The following HS6ST2 variants were observed in gnomAD, a reference collection of about 807,000 sequenced individuals.
The protein encoded by HS6ST2 is heparan-sulfate 6-O-sulfotransferase 2.
In HS6ST2, 17 loss-of-function variants were observed where a neutral mutation model predicts 33.0. The observed-to-expected ratio is 0.52, with a 90% confidence interval of 0.35 to 0.77. HS6ST2 has a LOEUF of 0.77. HS6ST2 is among the 30% of genes least tolerant of loss of function. HS6ST2 has a pLI of 0.01. For synonymous variants in HS6ST2, 248 were observed against 237.1 expected (o/e 1.05, Z -0.42); for missense variants, 519 against 551.7 (o/e 0.94, Z 0.59).
intron 2 of HS6ST2, among the ~76,000 whole-genome samples, chrX:132,867,745 T>G (rs1284656570): frequency 2.7e-5 from 3 of 111,784 alleles, no homozygotes; most frequent in Non-Finnish European, 5.6e-5. Context: ...CTGAGAGATT[T>G]TGTCACCAAT....
At chrX:132,943,110 G>A (rs984745345) in intron 2 of HS6ST2, among the ~76,000 whole-genome samples, 1 of 112,037 alleles carries the variant, frequency 8.9e-6, no homozygotes, top group Non-Finnish European at 1.9e-5. Context: ...CACCTTGAAA[G>A]AGTGACTTTT....
At chrX:132,673,950 A>G (rs1198720524) in intron 3 of HS6ST2, among the ~76,000 whole-genome samples, 2 of 112,124 alleles carry the variant, frequency 1.8e-5, no homozygotes, top group Non-Finnish European at 3.8e-5. Flanking sequence ...ATTAAAGCTG[A>G]TAATACTTTC....
rs375450029 is a variant in HS6ST2, at chrX:132,628,614, C to T, written c.1547G>A (p.Arg516His). Reference sequence around the variant, plus strand: ...ATCCAGAAAATTCAGTCCCTCAATACGCTTTTGAATTTCCTCATTGATCTC... The same window carrying T: ...ATCCAGAAAATTCAGTCCCTCAATATGCTTTTGAATTTCCTCATTGATCTC... Reference protein sequence around the residue: ...SVEINEEIQKRIEGLNFLDME... With the variant: ...SVEINEEIQKHIEGLNFLDME... The change falls in exon 5 of 5, where the codon CGT (arginine) becomes CAT (histidine). Residue 516 changes from arginine to histidine, a missense_variant. Transcript: ENST00000370833. The T allele has an allele frequency of 4.0e-5, 48 of 1,208,858 alleles. No individual in the cohort carries two copies. Among genetic ancestry groups the T allele is most frequent in the Admixed American group, 1.8e-4 (8 of 45,664 alleles).
At chrX:132,754,996 G>A (rs1430492198) in intron 2 of HS6ST2, among the ~76,000 whole-genome samples, 1 of 111,462 alleles carries the variant, frequency 9.0e-6, no homozygotes, top group Non-Finnish European at 1.9e-5. Flanking sequence ...TCCGGCATGC[G>A]GCACCATGCC....
intron 2 of HS6ST2, among the ~76,000 whole-genome samples, chrX:132,815,613 G>A (rs2065386842): frequency 8.9e-6 from 1 of 111,875 alleles, no homozygotes; most frequent in African/African-American, 3.2e-5. Context: ...TTTTGTTCTT[G>A]GGCAAGTCAT....
At chrX:132,911,638 CTTTTTTTTTT>C (rs767104982) in intron 2 of HS6ST2, among the ~76,000 whole-genome samples, 1 of 91,983 alleles carries the variant, frequency 1.1e-5, no homozygotes, top group African/African-American at 4.2e-5. Flanking sequence ...AGCACACACT[CTTTTTTTTTT>C]TTTTTTTTGA....
chrX:132,859,015 T>C (rs774358642), intron 2 of HS6ST2, among the ~76,000 whole-genome samples: 4 of 112,286 alleles, frequency 3.6e-5, no homozygotes, highest in African/African-American at 1.3e-4. Flanking sequence ...CACCCAGATA[T>C]GTCGGCCCTG....
intron 3 of HS6ST2, among the ~76,000 whole-genome samples, chrX:132,690,033 G>C (rs1242445389): frequency 8.9e-6 from 1 of 112,080 alleles, no homozygotes; most frequent in African/African-American, 3.2e-5. Flanking sequence ...TAAATGGCCA[G>C]ATAGTAAATC....
At chrX:132,951,663 G>T (rs1007359613) in intron 2 of HS6ST2, among the ~76,000 whole-genome samples, 1 of 111,651 alleles carries the variant, frequency 9.0e-6, no homozygotes, top group African/African-American at 3.3e-5. Flanking sequence ...AATCTTTATG[G>T]ACTTGAGGCT....
intron 2 of HS6ST2, among the ~76,000 whole-genome samples, chrX:132,938,134 C>A (rs1421040344): frequency 1.9e-5 from 2 of 105,691 alleles, no homozygotes; most frequent in Non-Finnish European, 3.9e-5. Flanking sequence ...TGCACTCCAC[C>A]CTGGGCAACA....
Position 132,721,149 on chromosome X carries a change from A to G in HS6ST2, c.948-12655T>C, listed in dbSNP as rs372454132. Among the ~76,000 whole-genome samples, 4 of 112,239 alleles carry G rather than the reference A, an allele frequency of 3.6e-5. No homozygotes were observed. The East Asian group carries it at 1.1e-3, about 31-fold the overall frequency. ...ACACTTTATTTTCCTCAGCACATGG[A>G]TCATTCTCAAGGATAGACCATATGT... is the stretch of plus-strand genomic sequence containing the variant. On this transcript the variant is annotated intron_variant, in intron 2 of 4. Coordinates refer to ENST00000370833, the MANE Select transcript of HS6ST2 (RefSeq NM_001394073.1).
chrX:132,786,436 CA>C (rs1183983223), intron 2 of HS6ST2, among the ~76,000 whole-genome samples: 1 of 111,231 alleles, frequency 9.0e-6, no homozygotes, highest in African/African-American at 3.3e-5. Flanking sequence ...TACATTTTCT[CA>C]GGAGTCACTC....
intron 2 of HS6ST2, among the ~76,000 whole-genome samples, chrX:132,815,389 A>G (rs1350789910): frequency 9.0e-6 from 1 of 111,722 alleles, no homozygotes; most frequent in Non-Finnish European, 1.9e-5. Flanking sequence ...TTATTTCAAG[A>G]CAACAAATGA....
intron 2 of HS6ST2, among the ~76,000 whole-genome samples, chrX:132,877,518 G>A (rs1300193204): frequency 9.0e-6 from 1 of 111,230 alleles, no homozygotes; most frequent in African/African-American, 3.3e-5. Flanking sequence ...AGCAAGTCTG[G>A]GGCTTGAGTC....
intron 2 of HS6ST2, among the ~76,000 whole-genome samples, chrX:132,870,761 T>G (rs2066049478): frequency 9.0e-6 from 1 of 110,972 alleles, no homozygotes. Context: ...ATACAAAAAT[T>G]AACTCAAGAT....
chrX:132,916,271 T>C (rs1231519669), intron 2 of HS6ST2, among the ~76,000 whole-genome samples: 4 of 112,080 alleles, frequency 3.6e-5, no homozygotes, highest in Non-Finnish European at 7.5e-5. Flanking sequence ...ATTAGGTCAA[T>C]TTTCAAACTC....
At chrX:132,747,997 C>T (rs760301648) in intron 2 of HS6ST2, among the ~76,000 whole-genome samples, 2 of 111,569 alleles carry the variant, frequency 1.8e-5, no homozygotes, top group Admixed American at 1.9e-4. Context: ...TGACATTTTT[C>T]AAAATAAAGC....
At chrX:132,875,124 C>T (rs952155441) in intron 2 of HS6ST2, among the ~76,000 whole-genome samples, 1 of 111,725 alleles carries the variant, frequency 9.0e-6, no homozygotes, top group Non-Finnish European at 1.9e-5. Context: ...ACAGGGAATG[C>T]CAAGGCCTGT....
intron 2 of HS6ST2, among the ~76,000 whole-genome samples, chrX:132,925,274 T>C (rs1028893979): frequency 2.1e-4 from 24 of 112,015 alleles, no homozygotes; most frequent in African/African-American, 7.1e-4. Context: ...GGCATCTGGC[T>C]GTTCATCTGT....
Sources: gnomAD v4.1 joint callset for allele counts (sites outside exome capture counted in the v4.1 genomes callset) on GRCh38, gnomAD v4.1.1 for gene constraint, MANE v1.5 for transcripts, NCBI Gene and HGNC (gene_info 2026-07-23, HGNC 2026-07-21) for gene names.